PALS2: variants seen among roughly 807,000 people sequenced by gnomAD.
PALS2 encodes the protein protein PALS2.
A neutral mutation model predicts 61.6 loss-of-function variants in PALS2; 27 were observed. That is an observed-to-expected ratio of 0.44 (90% CI 0.32 to 0.60). The LOEUF (loss-of-function observed/expected upper bound fraction) is 0.60, where lower values mean the gene tolerates loss of function less well. Among genes scored for constraint, PALS2 ranks in the 20% least tolerant of loss-of-function variants. The pLI, the probability that PALS2 is intolerant of heterozygous loss-of-function variation, is 0.05. For missense variants in PALS2, 554 were observed against 639.4 expected (o/e 0.87, Z 1.44); for synonymous variants, 236 against 218.6 (o/e 1.08, Z -0.70).
Position 24,679,613 on chromosome 7 carries a change from A to G in PALS2, c.1317+280A>G, listed in dbSNP as rs146316778. Among the ~76,000 whole-genome samples, 271 of 152,356 alleles carry G rather than the reference A, an allele frequency of 1.8e-3. 1 individual carries two copies. Among genetic ancestry groups the G allele is most frequent in the African/African-American group, 6.2e-3 (259 of 41,582 alleles). ...ATTTATTTACCTGTTCAAGTAATGC[A>G]TAAGTGCTTGTGTTAAGAAATGTTA... On this transcript the variant is annotated intron_variant, in intron 10 of 11. Coordinates refer to ENST00000222644, the MANE Select transcript of PALS2 (RefSeq NM_001303037.2).
intron 9 of PALS2, among the ~76,000 whole-genome samples, chr7:24,671,426 GTTCC>G (rs1198933169): frequency 1.3e-5 from 2 of 152,096 alleles, no homozygotes; most frequent in African/African-American, 4.8e-5. Context: ...CTGGGTACAG[GTTCC>G]TTGTTAGATA....
intron 11 of PALS2, among the ~76,000 whole-genome samples, chr7:24,683,762 A>G (rs1408342330): frequency 1.3e-5 from 2 of 152,130 alleles, no homozygotes; most frequent in Non-Finnish European, 2.9e-5. Context: ...GTGCTAGCAT[A>G]TATGCTTTTC....
At chr7:24,574,029 C>T in intron 1 of PALS2, 1 of 152,270 alleles carries the variant, frequency 6.6e-6, no homozygotes, top group Non-Finnish European at 1.5e-5. Context: ...CGCGGTGGAG[C>T]CTGAATGGAG....
intron 3 of PALS2, among the ~76,000 whole-genome samples, chr7:24,648,062 T>C (rs1751806377): frequency 6.6e-6 from 1 of 152,176 alleles, no homozygotes; most frequent in South Asian, 2.1e-4. Flanking sequence ...AATCCTTACA[T>C]ATGGATTTAT....
chr7:24,583,508 A>G (rs192674644), intron 1 of PALS2, among the ~76,000 whole-genome samples: 5 of 152,256 alleles, frequency 3.3e-5, no homozygotes, highest in Non-Finnish European at 7.4e-5. Context: ...ATTAGTTTCC[A>G]TTCACCATTA....
chr7:24,598,112 T>C (rs1273059164), intron 1 of PALS2, among the ~76,000 whole-genome samples: 1 of 152,176 alleles, frequency 6.6e-6, no homozygotes, highest in Non-Finnish European at 1.5e-5. Context: ...GCTAGGCCAC[T>C]GGGGAGATCT....
At chr7:24,586,902 CTT>C (rs1783085410) in intron 1 of PALS2, among the ~76,000 whole-genome samples, 1 of 152,090 alleles carries the variant, frequency 6.6e-6, no homozygotes, top group South Asian at 2.1e-4. Context: ...CATAGGGCGT[CTT>C]GAGGTTTTCA....
chr7:24,633,019 C>T (rs551245669), intron 2 of PALS2, among the ~76,000 whole-genome samples: 5 of 152,220 alleles, frequency 3.3e-5, no homozygotes, highest in African/African-American at 1.2e-4. Context: ...AACACTGTTT[C>T]CTGTCCCATA....
chr7:24,683,640 C>G (rs1400748328), intron 11 of PALS2, among the ~76,000 whole-genome samples: 1 of 151,988 alleles, frequency 6.6e-6, no homozygotes, highest in African/African-American at 2.4e-5. Flanking sequence ...GCCATTTTTC[C>G]AAGATACTCT....
chr7:24,640,994 C>T (rs1464081791), intron 2 of PALS2, among the ~76,000 whole-genome samples: 4 of 109,162 alleles, frequency 3.7e-5, no homozygotes, highest in East Asian at 3.2e-4. Flanking sequence ...GGCAACAGTG[C>T]GAGACTCCAT....
intron 2 of PALS2, among the ~76,000 whole-genome samples, chr7:24,639,777 T>G (rs1001651423): frequency 6.6e-6 from 1 of 151,628 alleles, no homozygotes; most frequent in Non-Finnish European, 1.5e-5. Context: ...AATTACAAAT[T>G]TACCCGTTTT....
At chr7:24,642,739 G>A (rs916717880) in intron 3 of PALS2, among the ~76,000 whole-genome samples, 1 of 152,134 alleles carries the variant, frequency 6.6e-6, no homozygotes, top group Non-Finnish European at 1.5e-5. Flanking sequence ...ATAGTGAGAT[G>A]GTTCCGACAT....
Position 24,679,306 on chromosome 7 carries a change from G to A in PALS2, c.1290G>A (p.Arg430=). Residue 430 remains arginine, a synonymous_variant, in exon 10 of 12, where the codon CGG becomes CGA. Coordinates refer to ENST00000222644, the MANE Select transcript of PALS2 (RefSeq NM_001303037.2). ...DSILEVVQTG[R]TCILDVNPQA... is the part of the protein sequence containing the mutation. ...TTCTTGAGGTTGTCCAAACTGGACG[G>A]ACTTGCATTCTGGATGTCAACCCAC... The A allele has an allele frequency of 1.2e-6, 2 of 1,614,016 alleles. No individual in the cohort carries two copies. The highest frequency in any genetic ancestry group is 1.7e-6 in the Non-Finnish European group (2 of 1,179,934).
chr7:24,662,535 G>A (rs1035052220), intron 5 of PALS2, among the ~76,000 whole-genome samples: 1 of 152,146 alleles, frequency 6.6e-6, no homozygotes. Flanking sequence ...TTGGGAGGCT[G>A]AGGTGGGCAG....
intron 2 of PALS2, among the ~76,000 whole-genome samples, chr7:24,626,375 C>T (rs1173923589): frequency 6.6e-6 from 1 of 151,982 alleles, no homozygotes; most frequent in Non-Finnish European, 1.5e-5. Context: ...AGTTTGTATT[C>T]CAGAAAGAAA....
rs548335324 is a variant in PALS2, at chr7:24,662,053, T to C, written c.652-1537T>C. 2.6e-5 allele frequency among the ~76,000 whole-genome samples: 4 copies of C among 152,342 alleles called. No homozygotes were observed. The South Asian group carries it at 8.3e-4, about 32-fold the overall frequency. ...TGTCACACTTTAGCAATCTTAATGT[T>C]TGTATGCTTGCTTTTTAGATCTAAA... On this transcript the variant is annotated intron_variant, in intron 5 of 11. Coordinates refer to ENST00000222644, the MANE Select transcript of PALS2 (RefSeq NM_001303037.2).
At chr7:24,659,893 A>ACTGT (rs1339790914) in intron 5 of PALS2, among the ~76,000 whole-genome samples, 1 of 152,160 alleles carries the variant, frequency 6.6e-6, no homozygotes, top group Non-Finnish European at 1.5e-5. Flanking sequence ...CCTCACTGAT[A>ACTGT]CTGTATTCCA....
intron 1 of PALS2, among the ~76,000 whole-genome samples, chr7:24,610,467 G>C (rs1331236464): frequency 1.3e-5 from 2 of 152,122 alleles, no homozygotes; most frequent in East Asian, 3.8e-4. Flanking sequence ...GTCTAGCTGT[G>C]AGTAAATACC....
chr7:24,594,361 G>A (rs1327794835), intron 1 of PALS2, among the ~76,000 whole-genome samples: 1 of 152,066 alleles, frequency 6.6e-6, no homozygotes, highest in African/African-American at 2.4e-5. Flanking sequence ...CACTGGAATG[G>A]CACTTTTAAT....
Sources: allele counts gnomAD v4.1 joint callset (sites outside exome capture counted in the v4.1 genomes callset), GRCh38; gene constraint gnomAD v4.1.1; transcripts MANE v1.5; gene names NCBI Gene and HGNC (gene_info 2026-07-23, HGNC 2026-07-21).